SMG1: variants seen among roughly 807,000 people sequenced by gnomAD.
SMG1 encodes the protein serine/threonine-protein kinase SMG1.
In SMG1, 22 loss-of-function variants were observed where a neutral mutation model predicts 419.9. The observed-to-expected ratio is 0.05, with a 90% CI of 0.04 to 0.07. The LOEUF (loss-of-function observed/expected upper bound fraction) is 0.07. SMG1 is among the 10% of genes least tolerant of loss of function. SMG1 has a pLI of 1.00. For missense variants in SMG1, 3,185 were observed against 4,342.0 expected, an observed-to-expected ratio of 0.73 and a Z score of 7.49; for synonymous variants, 1,538 against 1,553.5, an observed-to-expected ratio of 0.99 and a Z score of 0.23.
intron 6 of SMG1, among the ~76,000 whole-genome samples, chr16:18,887,754 A>C (rs2036687775): frequency 8.5e-6 from 1 of 117,362 alleles, no homozygotes; most frequent in Admixed American, 9.8e-5. Flanking sequence ...AAAGCATATC[A>C]AAAACAGTAA....
intron 33 of SMG1, among the ~76,000 whole-genome samples, chr16:18,851,389 A>C (rs1288724536): frequency 2.7e-5 from 4 of 147,948 alleles, no homozygotes; most frequent in African/African-American, 1.0e-4. Flanking sequence ...TAGTAAGTTT[A>C]AATACACACA....
intron 45 of SMG1, among the ~76,000 whole-genome samples, chr16:18,837,806 G>C (rs1003918505): frequency 6.6e-6 from 1 of 152,134 alleles, no homozygotes; most frequent in East Asian, 1.9e-4. Flanking sequence ...CCACCTCTTA[G>C]GAGTGTGGAA....
At chr16:18,854,586 C>T in intron 30 of SMG1, 70 bp downstream of exon 30, 2 of 1,400,720 alleles carry the variant, frequency 1.4e-6, no homozygotes, top group South Asian at 2.8e-5. Flanking sequence ...TTATACCATA[C>T]ATACACAGTA....
rs559065489 is a variant in SMG1, at chr16:18,830,156, T to G, written c.8944-41A>C. 5.3e-4 allele frequency: 847 copies of G among 1,606,374 alleles called. 16 individuals are homozygous for G. In the South Asian group the frequency reaches 8.8e-3, roughly 17 times the overall value. On this transcript the variant is annotated intron_variant, in intron 52 of 62. Transcript: ENST00000446231. ...AAAACAAAGTTCATTTCTCCACTCT[T>G]GACACAACTGAACAACTACTTTATG... is the stretch of plus-strand genomic sequence containing the variant.
At chr16:18,898,305 C>G (rs1264885885) in intron 1 of SMG1, among the ~76,000 whole-genome samples, 1 of 152,106 alleles carries the variant, frequency 6.6e-6, no homozygotes, top group African/African-American at 2.4e-5. Flanking sequence ...ACCTAGCATA[C>G]TAAAATGACT....
At position 18,830,278 on chromosome 16, in the gene SMG1, C is replaced by G; in HGVS notation, c.8884G>C (p.Val2962Leu). ...TGAGCAAACATGCCATCGAATGCTA[C>G]CAAAAGCATCTGGCCAGCTGACATT... ...PKMSAGQMLL[V>L]AFDGMFAQVE... The change falls in exon 52 of 63, where the codon GTA becomes CTA. Residue 2962 changes from valine to leucine, a missense_variant. Val to Leu is a conservative substitution (Grantham distance 32). Coordinates refer to ENST00000446231, the MANE Select transcript of SMG1 (RefSeq NM_015092.5). 6.2e-7 allele frequency: 1 copy of G among 1,613,962 alleles called. No individual in the cohort carries two copies. Among genetic ancestry groups the G allele is most frequent in the South Asian group, 1.1e-5 (1 of 91,070 alleles).
At position 18,807,573 on chromosome 16, in the gene SMG1, C is replaced by G. The variant is rs1220242624; in HGVS notation, c.*1996G>C. ...CCAAAAAAGCACTGATACTGAAACA[C>G]ATTCTTTCATGGGTACTTAACGATT... On this transcript the variant is annotated 3_prime_UTR_variant, in exon 63 of 63. Transcript: ENST00000446231. 6.6e-6 allele frequency: 1 copy of G among 152,136 alleles called. No individual in the cohort carries two copies. Among genetic ancestry groups the G allele is most frequent in the Non-Finnish European group, 1.5e-5 (1 of 68,016 alleles). The allele number at this position is 152,136 out of a possible 1,614,324, so 9.4% of individuals were successfully genotyped here.
At chr16:18,837,570 T>C in intron 45 of SMG1, 127 bp from the exon 46 acceptor site, 1 of 745,060 alleles carries the variant, frequency 1.3e-6, no homozygotes, top group Non-Finnish European at 2.2e-6. Context: ...ATGCGTTGCC[T>C]CCACTGTACA....
At chr16:18,922,477 A>G (rs1172719582) in intron 1 of SMG1, among the ~76,000 whole-genome samples, 1 of 152,092 alleles carries the variant, frequency 6.6e-6, no homozygotes. Flanking sequence ...TTGTTTAACC[A>G]TTCTTTGAGA....
chr16:18,866,336 G>C (rs2035503494), intron 23 of SMG1: 1 of 455,918 alleles, frequency 2.2e-6, no homozygotes, highest in Non-Finnish European at 4.0e-6. Context: ...ACTCTGAGGG[G>C]GAAGGAGCTC....
chr16:18,918,171 G>A (rs2038051119), intron 1 of SMG1, among the ~76,000 whole-genome samples: 1 of 152,016 alleles, frequency 6.6e-6, no homozygotes, highest in South Asian at 2.1e-4. Context: ...GCTGAGGAAG[G>A]AGAACTGCTT....
intron 1 of SMG1, among the ~76,000 whole-genome samples, chr16:18,911,108 T>C (rs967526259): frequency 5.4e-4 from 82 of 152,298 alleles, no homozygotes; most frequent in Admixed American, 1.8e-3. Flanking sequence ...TCTTAAGGTG[T>C]GAATACAAGA....
chr16:18,848,300 T>C (rs2034383332), intron 36 of SMG1, among the ~76,000 whole-genome samples: 1 of 149,524 alleles, frequency 6.7e-6, no homozygotes, highest in South Asian at 2.1e-4. Flanking sequence ...AAGCCAGAGT[T>C]CAAAACTTGG....
chr16:18,815,921 A>C, intron 58 of SMG1: 1 of 483,004 alleles, frequency 2.1e-6, no homozygotes, highest in Non-Finnish European at 3.7e-6. Flanking sequence ...TAGACTATGT[A>C]CAACACTGGA....
intron 13 of SMG1, among the ~76,000 whole-genome samples, chr16:18,873,877 CT>C (rs1567406427): frequency 1.3e-5 from 2 of 152,212 alleles, no homozygotes; most frequent in African/African-American, 4.8e-5. Flanking sequence ...CACCCACTTT[CT>C]CCTTATTTCT....
intron 6 of SMG1, among the ~76,000 whole-genome samples, chr16:18,887,533 T>TTTTTTTTTTTTTA (rs1567427842): frequency 2.1e-5 from 3 of 141,854 alleles, no homozygotes; most frequent in Admixed American, 7.1e-5. Context: ...TTTTTTTTTT[T>TTTTTTTTTTTTTA]AATAGAAACA....
chr16:18,912,073 T>C (rs2037813805), intron 1 of SMG1, among the ~76,000 whole-genome samples: 1 of 110,200 alleles, frequency 9.1e-6, no homozygotes, highest in African/African-American at 4.1e-5. Context: ...CAGAGCAAGA[T>C]GCCATCTCAA....
chr16:18,887,090 TA>T (rs2036641259), intron 6 of SMG1, among the ~76,000 whole-genome samples: 1 of 152,136 alleles, frequency 6.6e-6, no homozygotes, highest in Non-Finnish European at 1.5e-5. Context: ...TGTGAGAAAA[TA>T]AAACTGTGGC....
intron 51 of SMG1, among the ~76,000 whole-genome samples, 200 bp downstream of exon 51, chr16:18,832,740 A>T (rs1204939253): frequency 6.6e-6 from 1 of 152,132 alleles, no homozygotes; most frequent in Non-Finnish European, 1.5e-5. Flanking sequence ...ACCTGCCTGC[A>T]CTTTTTTTTT....
Sources: allele counts gnomAD v4.1 joint callset (sites outside exome capture counted in the v4.1 genomes callset), GRCh38; gene constraint gnomAD v4.1.1; transcripts MANE v1.5; gene names NCBI Gene and HGNC (gene_info 2026-07-23, HGNC 2026-07-21).